The following PDE1A variants were observed in gnomAD, a reference collection of about 807,000 sequenced individuals.
PDE1A encodes phosphodiesterase 1A.
Under a neutral mutation model 61.7 loss-of-function variants are expected in PDE1A, and 35 were observed. The observed-to-expected ratio is 0.57, with a 90% confidence interval of 0.43 to 0.75. PDE1A has a LOEUF of 0.75. Ranked by LOEUF, PDE1A falls within the 30% of genes least tolerant of loss-of-function variation. PDE1A has a pLI of 0.00. For synonymous variants in PDE1A, 232 were observed against 213.2 expected, an observed-to-expected ratio of 1.09 and a Z score of -0.77; for missense variants, 597 against 630.6, an observed-to-expected ratio of 0.95 and a Z score of 0.57.
downstream of PDE1A, among the ~76,000 whole-genome samples, chr2:182,165,579 AACC>A (rs60956442): frequency 0.19 from 29,509 of 151,878 alleles, 3,039 homozygotes; most frequent in East Asian, 0.31. Context: ...GGGAAACTAC[AACC>A]ACTCAATATA....
chr2:182,627,275 T>A, the PDE1A span, among the ~76,000 whole-genome samples: 1 of 100,736 alleles, frequency 9.9e-6, no homozygotes, highest in Non-Finnish European at 1.8e-5. Flanking sequence ...ATATAAATAA[T>A]ATATAAAATA....
the PDE1A span, among the ~76,000 whole-genome samples, chr2:182,577,802 C>G: frequency 6.6e-6 from 1 of 152,090 alleles, no homozygotes; most frequent in Non-Finnish European, 1.5e-5. Context: ...TGCCTGTAAT[C>G]CCAGCTACTC....
chr2:182,613,329 G>A, the PDE1A span, among the ~76,000 whole-genome samples: 56 of 152,232 alleles, frequency 3.7e-4, no homozygotes, highest in Non-Finnish European at 6.5e-4. Context: ...TTGGGAGGCC[G>A]AGGCGAGTGG....
Position 182,257,890 on chromosome 2 carries a change from G to A in PDE1A, c.167+6411C>T, listed in dbSNP as rs186791247. Among the ~76,000 whole-genome samples the A allele has an allele frequency of 1.1e-3, 171 of 152,292 alleles. 1 individual carries two copies. The highest frequency in any genetic ancestry group is 2.0e-3 in the Non-Finnish European group (139 of 68,018). On this transcript the variant is annotated intron_variant, in intron 2 of 13. Transcript: ENST00000351439. The stretch of plus-strand genomic sequence containing the variant: ...AGATTTTTGAAAGCATCTATCAGCT[G>A]GGCGCGGTGGCTCACGCCTGTAATC...
intron 1 of PDE1A, among the ~76,000 whole-genome samples, chr2:182,330,919 A>G (rs1697362968): frequency 6.6e-6 from 1 of 151,906 alleles, no homozygotes; most frequent in South Asian, 2.1e-4. Context: ...ATCTTGCTCC[A>G]TGTGTTCTTC....
chr2:182,585,181 A>G, the PDE1A span, among the ~76,000 whole-genome samples: 1 of 152,190 alleles, frequency 6.6e-6, no homozygotes, highest in Non-Finnish European at 1.5e-5. Context: ...TTTGGCAACA[A>G]TCACCTGGAA....
At chr2:182,436,309 A>G (rs1043795421) in intron 2 of PDE1A, among the ~76,000 whole-genome samples, 1 of 152,018 alleles carries the variant, frequency 6.6e-6, no homozygotes, top group Non-Finnish European at 1.5e-5. Flanking sequence ...TTGAATATCA[A>G]TGTATCATTA....
intron 10 of PDE1A, among the ~76,000 whole-genome samples, chr2:182,196,471 G>A (rs73975401): frequency 0.031 from 4,642 of 151,758 alleles, 238 homozygotes; most frequent in African/African-American, 0.11. Context: ...TCAGAGATGA[G>A]CTACCTTCAT....
chr2:182,643,932 T>C, the PDE1A span, among the ~76,000 whole-genome samples: 1 of 152,144 alleles, frequency 6.6e-6, no homozygotes, highest in Non-Finnish European at 1.5e-5. Context: ...CAAGTCCCAT[T>C]GATTTATACA....
chr2:182,640,719 A>T, the PDE1A span, among the ~76,000 whole-genome samples: 1 of 152,194 alleles, frequency 6.6e-6, no homozygotes. Flanking sequence ...AAGAATTCTG[A>T]ATTATCAGAA....
chr2:182,544,879 CAA>C, the PDE1A span, among the ~76,000 whole-genome samples: 2 of 151,854 alleles, frequency 1.3e-5, no homozygotes, highest in African/African-American at 4.8e-5. Context: ...TGGAAAGAAA[CAA>C]AGAGGTAAAA....
chr2:182,450,541 T>C (rs1172588984), intron 2 of PDE1A, among the ~76,000 whole-genome samples: 2 of 117,288 alleles, frequency 1.7e-5, no homozygotes, highest in Non-Finnish European at 3.6e-5. Context: ...AAGCTAGTCC[T>C]CAAAAATGTT....
intron 1 of PDE1A, among the ~76,000 whole-genome samples, chr2:182,406,811 A>C (rs990824402): frequency 6.6e-5 from 10 of 152,236 alleles, no homozygotes; most frequent in African/African-American, 2.4e-4. Flanking sequence ...GAAATGAAAA[A>C]AATGCATTGA....
At chr2:182,700,710 A>T in the PDE1A span, among the ~76,000 whole-genome samples, 3 of 134,532 alleles carry the variant, frequency 2.2e-5, no homozygotes, top group Middle Eastern at 3.8e-3. Context: ...CGACAGAGCA[A>T]GACTCCATCT....
chr2:182,186,893 T>G (rs1232738364), intron 11 of PDE1A, among the ~76,000 whole-genome samples: 11 of 152,216 alleles, frequency 7.2e-5, no homozygotes, highest in Non-Finnish European at 1.5e-4. Context: ...AACAATACAT[T>G]TAGATCCAAT....
intron 2 of PDE1A, among the ~76,000 whole-genome samples, chr2:182,500,305 T>C (rs1184903286): frequency 1.3e-5 from 2 of 152,302 alleles, no homozygotes; most frequent in Admixed American, 1.3e-4. Context: ...GTCATAGAAC[T>C]ACATTGGGAG....
intron 1 of PDE1A, among the ~76,000 whole-genome samples, chr2:182,405,202 T>G (rs1016820788): frequency 1.3e-5 from 2 of 152,192 alleles, no homozygotes; most frequent in African/African-American, 4.8e-5. Context: ...CACATGACCG[T>G]ACATATATGA....
the PDE1A span, among the ~76,000 whole-genome samples, chr2:182,694,569 T>A: frequency 5.3e-5 from 8 of 152,166 alleles, no homozygotes; most frequent in Non-Finnish European, 1.2e-4. Context: ...CATGAAGAGA[T>A]CTCTTCTGAC....
chr2:182,427,795 C>G (rs1703707046), upstream of PDE1A, among the ~76,000 whole-genome samples: 1 of 152,068 alleles, frequency 6.6e-6, no homozygotes. Context: ...AACAAAGTTC[C>G]TATTCAGTCA....
Sources: allele counts gnomAD v4.1 joint callset (sites outside exome capture counted in the v4.1 genomes callset), GRCh38; gene constraint gnomAD v4.1.1; transcripts MANE v1.5; gene names NCBI Gene and HGNC (gene_info 2026-07-23, HGNC 2026-07-21).